The following RAB3C variants were observed in gnomAD, a reference collection of about 807,000 sequenced individuals.
The protein encoded by RAB3C is RAB3C, member RAS oncogene family, also known as ras-related protein Rab-3C.
Under a neutral mutation model 26.4 loss-of-function variants are expected in RAB3C, and 17 were observed. That is an observed-to-expected ratio of 0.64 (90% CI 0.44 to 0.97). The LOEUF (loss-of-function observed/expected upper bound fraction) is 0.97. Ranked by LOEUF, RAB3C falls within the 50% of genes least tolerant of loss-of-function variation. The pLI, the probability that RAB3C is intolerant of heterozygous loss-of-function variation, is 0.00. For missense variants in RAB3C, 242 were observed against 281.9 expected, an observed-to-expected ratio of 0.86 and a Z score of 1.01; for synonymous variants, 91 against 95.9, an observed-to-expected ratio of 0.95 and a Z score of 0.30.
chr5:58,588,921 A>G (rs1035750531), intron 1 of RAB3C, among the ~76,000 whole-genome samples: 13 of 152,288 alleles, frequency 8.5e-5, no homozygotes, highest in Middle Eastern at 3.4e-3. Context: ...ATTGAATAGA[A>G]TAGAACAACC....
chr5:58,722,411 C>T (rs1234731274), intron 2 of RAB3C, among the ~76,000 whole-genome samples: 1 of 145,568 alleles, frequency 6.9e-6, no homozygotes, highest in African/African-American at 2.5e-5. Flanking sequence ...GTAATCAATG[C>T]CAAAAAAAAA....
intron 3 of RAB3C, among the ~76,000 whole-genome samples, chr5:58,821,220 A>G (rs1743334309): frequency 6.6e-6 from 1 of 152,112 alleles, no homozygotes; most frequent in South Asian, 2.1e-4. Context: ...CTTGTCACTA[A>G]TCTCACTCTG....
At chr5:58,736,164 T>C (rs957337058) in intron 3 of RAB3C, among the ~76,000 whole-genome samples, 1 of 152,218 alleles carries the variant, frequency 6.6e-6, no homozygotes, top group Admixed American at 6.5e-5. Flanking sequence ...CCTGCAGCAT[T>C]GCACCATTCC....
intron 1 of RAB3C, chr5:58,583,437 C>T (rs1440274603): frequency 1.7e-5 from 12 of 707,612 alleles, no homozygotes; most frequent in African/African-American, 1.9e-5. Context: ...AGGGATCGGG[C>T]TATTCGCAAT....
chr5:58,804,552 A>G (rs1167710746), intron 3 of RAB3C, among the ~76,000 whole-genome samples: 2 of 152,196 alleles, frequency 1.3e-5, no homozygotes, highest in Non-Finnish European at 2.9e-5. Context: ...ACCATTGCTA[A>G]CACATCTTTA....
At chr5:58,661,126 T>C (rs761840958) in intron 2 of RAB3C, among the ~76,000 whole-genome samples, 20 of 149,932 alleles carry the variant, frequency 1.3e-4, no homozygotes, top group Non-Finnish European at 2.9e-4. Context: ...TTCATTTCTT[T>C]CAGGAAATAA....
At chr5:58,677,464 T>G (rs1748252474) in intron 2 of RAB3C, among the ~76,000 whole-genome samples, 1 of 152,214 alleles carries the variant, frequency 6.6e-6, no homozygotes, top group Non-Finnish European at 1.5e-5. Context: ...GAAGTTCACC[T>G]GAAATTTACT....
intron 2 of RAB3C, chr5:58,644,420 C>T (rs2111774395): frequency 6.6e-6 from 1 of 152,188 alleles, no homozygotes. Flanking sequence ...TGTAAGATGC[C>T]TAGCCCCGTG....
chr5:58,625,687 T>C (rs1030426182), intron 2 of RAB3C, among the ~76,000 whole-genome samples: 1 of 151,970 alleles, frequency 6.6e-6, no homozygotes, highest in African/African-American at 2.4e-5. Flanking sequence ...TGAAAACCCG[T>C]CTCTACTAAA....
At chr5:58,780,531 A>T (rs1460540325) in intron 3 of RAB3C, among the ~76,000 whole-genome samples, 5 of 152,136 alleles carry the variant, frequency 3.3e-5, no homozygotes, top group African/African-American at 1.2e-4. Context: ...TTTGTCCCCA[A>T]ATCATCTAAG....
rs1561311232 is a variant in RAB3C, at chr5:58,756,355, A to AC, written c.371+30235_371+30236insC. Among the ~76,000 whole-genome samples, 540 of 140,864 alleles carry AC rather than the reference A, an allele frequency of 3.8e-3. 4 individuals carry two copies. The highest frequency in any genetic ancestry group is 0.013 in the African/African-American group (495 of 37,412). 92.4% of individuals were successfully genotyped at this position (140,864 alleles called of 152,430 possible). On this transcript the variant is annotated intron_variant, in intron 3 of 4. Transcript: ENST00000282878. Reference sequence around the variant, plus strand: ...TATATAACATATATATGTTATATATATATATAACATATATATATAACTACT... The same window carrying AC: ...TATATAACATATATATGTTATATATACTATATAACATATATATATAACTACT...
intron 2 of RAB3C, among the ~76,000 whole-genome samples, chr5:58,674,834 A>G (rs1748190582): frequency 6.6e-6 from 1 of 152,074 alleles, no homozygotes; most frequent in Non-Finnish European, 1.5e-5. Context: ...TCAAGCTAGG[A>G]CAAGTCTTGA....
At chr5:58,617,570 C>A in intron 1 of RAB3C, 73 bp from the exon 2 acceptor site, 1 of 1,186,214 alleles carries the variant, frequency 8.4e-7, no homozygotes, top group Non-Finnish European at 1.3e-6. Context: ...AATGAGTATG[C>A]TGCTAGCTTC....
chr5:58,720,144 G>C (rs1246594097), intron 2 of RAB3C, among the ~76,000 whole-genome samples: 1 of 151,772 alleles, frequency 6.6e-6, no homozygotes, highest in Non-Finnish European at 1.5e-5. Flanking sequence ...TAGTTCTTTA[G>C]GGAAATAAAT....
At chr5:58,789,002 A>T (rs1364236975) in intron 3 of RAB3C, among the ~76,000 whole-genome samples, 8 of 152,176 alleles carry the variant, frequency 5.3e-5, no homozygotes, top group Admixed American at 5.2e-4. Flanking sequence ...AGTCTATGCT[A>T]AGGAACATGG....
intron 2 of RAB3C, among the ~76,000 whole-genome samples, chr5:58,700,479 A>G (rs919251569): frequency 6.6e-6 from 1 of 152,168 alleles, no homozygotes; most frequent in Non-Finnish European, 1.5e-5. Context: ...TAAGACTTTT[A>G]TTTCTGTTTA....
chr5:58,733,052 G>A (rs1384837255), intron 3 of RAB3C, among the ~76,000 whole-genome samples: 1 of 152,142 alleles, frequency 6.6e-6, no homozygotes, highest in Non-Finnish European at 1.5e-5. Context: ...GTGAGCTCTA[G>A]AAACAATACT....
intron 3 of RAB3C, among the ~76,000 whole-genome samples, chr5:58,727,102 A>G (rs1241048302): frequency 1.4e-5 from 2 of 143,358 alleles, no homozygotes; most frequent in Non-Finnish European, 3.1e-5. Context: ...TTGACAATAC[A>G]TAGGCAAAAC....
chr5:58,679,451 A>AT lies in RAB3C; in HGVS notation c.253-46544dup, dbSNP rs527871355. Among the ~76,000 whole-genome samples the AT allele has an allele frequency of 7.2e-5, 11 of 152,204 alleles. No individual in the cohort carries two copies. The East Asian group carries it at 1.5e-3, about 21-fold the overall frequency. ...TAATATTTGGAGCGCTTCAATCTCA[A>AT]TTTTTTTGAGGTAGACAATTCTGTT... On this transcript the variant is annotated intron_variant, in intron 2 of 4. Coordinates refer to ENST00000282878, the MANE Select transcript of RAB3C (RefSeq NM_138453.4).
Sources: allele counts gnomAD v4.1 joint callset (sites outside exome capture counted in the v4.1 genomes callset), GRCh38; gene constraint gnomAD v4.1.1; transcripts MANE v1.5; gene names NCBI Gene and HGNC (gene_info 2026-07-23, HGNC 2026-07-21).